The following WDR41 variants were observed in gnomAD, a reference collection of about 807,000 sequenced individuals.
The protein encoded by WDR41 is WD repeat-containing protein 41.
Under a neutral mutation model 69.3 loss-of-function variants are expected in WDR41, and 63 were observed. That is an observed-to-expected ratio of 0.91 (90% CI 0.74 to 1.12). The LOEUF (loss-of-function observed/expected upper bound fraction) is 1.12. Ranked by LOEUF, WDR41 falls within the 50% of genes most tolerant of loss-of-function variation. WDR41 has a pLI of 0.00. For synonymous variants in WDR41, 185 were observed against 192.1 expected, an observed-to-expected ratio of 0.96 and a Z score of 0.31; for missense variants, 543 against 534.5, an observed-to-expected ratio of 1.02 and a Z score of -0.16.
intron 8 of WDR41, among the ~76,000 whole-genome samples, chr5:77,448,372 A>C (rs963916726): frequency 2.6e-5 from 4 of 152,160 alleles, no homozygotes; most frequent in Non-Finnish European, 5.9e-5. Context: ...TATTTCTATC[A>C]ACACAGACAA....
At chr5:77,549,917 A>G (rs1335545218) in intron 1 of WDR41, among the ~76,000 whole-genome samples, 2 of 152,198 alleles carry the variant, frequency 1.3e-5, no homozygotes, top group African/African-American at 4.8e-5. Flanking sequence ...ATGAAACAGA[A>G]TAGAAAACCC....
intron 2 of WDR41, among the ~76,000 whole-genome samples, chr5:77,486,068 T>C (rs1157304802): frequency 2.0e-5 from 3 of 152,216 alleles, no homozygotes; most frequent in Non-Finnish European, 2.9e-5. Context: ...ACATATGCAA[T>C]GGTAAAGATA....
At chr5:77,567,938 A>C (rs1743664204) in intron 1 of WDR41, among the ~76,000 whole-genome samples, 3 of 151,550 alleles carry the variant, frequency 2.0e-5, no homozygotes, top group South Asian at 2.1e-4. Context: ...GTGCCTAGGG[A>C]ATGAAAAAAA....
At position 77,478,962 on chromosome 5, in the gene WDR41, A is replaced by G. The variant is rs570868555; in HGVS notation, c.167+10495T>C. On this transcript the variant is annotated intron_variant, in intron 2 of 12. Coordinates refer to ENST00000296679, the MANE Select transcript of WDR41 (RefSeq NM_018268.4). ...AGCCCAAAATCTCCTTAAGCTGATA[A>G]GCAACTTCAGCAAAGTCTCAGGATA... Among the ~76,000 whole-genome samples the G allele has an allele frequency of 2.2e-4, 34 of 151,856 alleles. 1 individual carries two copies. Among genetic ancestry groups the G allele is most frequent in the African/African-American group, 6.5e-4 (27 of 41,412 alleles).
At chr5:77,444,643 C>T (rs1466001963) in intron 8 of WDR41, among the ~76,000 whole-genome samples, 2 of 152,212 alleles carry the variant, frequency 1.3e-5, no homozygotes, top group African/African-American at 4.8e-5. Context: ...CCATATCTTT[C>T]ATTGGTAATG....
intron 1 of WDR41, among the ~76,000 whole-genome samples, chr5:77,572,802 T>C (rs1426861060): frequency 8.5e-5 from 13 of 152,252 alleles, no homozygotes; most frequent in Non-Finnish European, 1.9e-4. Flanking sequence ...TCAAAATACC[T>C]GTTATGGATT....
intron 1 of WDR41, chr5:77,582,913 G>C: frequency 3.7e-6 from 6 of 1,609,368 alleles, no homozygotes; most frequent in Non-Finnish European, 5.1e-6. Context: ...TCGATCTCTT[G>C]GTAAATACGG....
chr5:77,484,662 C>G (rs1004551229), intron 2 of WDR41, among the ~76,000 whole-genome samples: 2 of 152,154 alleles, frequency 1.3e-5, no homozygotes, highest in African/African-American at 4.8e-5. Context: ...CAATGGCATA[C>G]TTACAGTTTC....
chr5:77,486,844 T>C (rs961534692), intron 2 of WDR41, among the ~76,000 whole-genome samples: 9 of 152,020 alleles, frequency 5.9e-5, no homozygotes, highest in Non-Finnish European at 8.8e-5. Context: ...ATGAGCTAAA[T>C]AGATGGGGTT....
At chr5:77,576,912 A>G (rs544985681) in intron 1 of WDR41, among the ~76,000 whole-genome samples, 2 of 152,204 alleles carry the variant, frequency 1.3e-5, no homozygotes, top group Non-Finnish European at 2.9e-5. Flanking sequence ...GTTAGAAGCA[A>G]CAACAAATGA....
chr5:77,593,493 T>C (rs775988193), intron 1 of WDR41, among the ~76,000 whole-genome samples: 1 of 152,106 alleles, frequency 6.6e-6, no homozygotes, highest in African/African-American at 2.4e-5. Context: ...TAAATCCATA[T>C]AATGGAATAT....
chr5:77,582,454 G>A, intron 1 of WDR41: 4 of 1,604,418 alleles, frequency 2.5e-6, no homozygotes, highest in Non-Finnish European at 3.4e-6. Context: ...GAATTTCGTA[G>A]AGCTGAAGAT....
At chr5:77,566,917 G>T (rs1000468779) in intron 1 of WDR41, among the ~76,000 whole-genome samples, 6 of 152,096 alleles carry the variant, frequency 3.9e-5, no homozygotes, top group African/African-American at 1.4e-4. Context: ...CCATGTGATG[G>T]AATGAGACAC....
At chr5:77,476,426 A>C (rs1800934864) in intron 2 of WDR41, among the ~76,000 whole-genome samples, 1 of 152,066 alleles carries the variant, frequency 6.6e-6, no homozygotes, top group African/African-American at 2.4e-5. Flanking sequence ...CCAGAGAGAA[A>C]GGTCGGGTTA....
At chr5:77,575,916 T>C (rs1445427117) in intron 1 of WDR41, among the ~76,000 whole-genome samples, 5 of 152,132 alleles carry the variant, frequency 3.3e-5, no homozygotes, top group African/African-American at 1.2e-4. Context: ...AAATCCTTGA[T>C]CCCAAGAACC....
intron 1 of WDR41, among the ~76,000 whole-genome samples, chr5:77,568,368 G>T (rs1458147405): frequency 1.3e-5 from 2 of 152,150 alleles, no homozygotes; most frequent in African/African-American, 4.8e-5. Flanking sequence ...CGGCTGTAAA[G>T]GTTGCTAAGT....
At chr5:77,525,577 TA>T (rs1398701500) in intron 1 of WDR41, among the ~76,000 whole-genome samples, 2 of 152,134 alleles carry the variant, frequency 1.3e-5, no homozygotes, top group Non-Finnish European at 2.9e-5. Context: ...GCTGGGTTAT[TA>T]AATTGGGGTT....
chr5:77,481,717 G>A (rs1022345526), intron 2 of WDR41, among the ~76,000 whole-genome samples: 4 of 149,278 alleles, frequency 2.7e-5, no homozygotes, highest in Non-Finnish European at 4.4e-5. Context: ...CCTGGGAAGC[G>A]GTGGTTGGAG....
chr5:77,480,743 GCAGCGC>G (rs1801194898), intron 2 of WDR41, among the ~76,000 whole-genome samples: 1 of 151,462 alleles, frequency 6.6e-6, no homozygotes, highest in Non-Finnish European at 1.5e-5. Context: ...GTTAGTGGGT[GCAGCGC>G]ACCAGCATGG....
Sources: allele counts gnomAD v4.1 joint callset (sites outside exome capture counted in the v4.1 genomes callset), GRCh38; gene constraint gnomAD v4.1.1; transcripts MANE v1.5; gene names NCBI Gene and HGNC (gene_info 2026-07-23, HGNC 2026-07-21).